The following SLC24A4 variants were observed in gnomAD, a reference collection of about 807,000 sequenced individuals.
The protein encoded by SLC24A4 is solute carrier family 24 member 4.
SLC24A4 carries 53 observed loss-of-function variants against 79.0 expected under a neutral mutation model. The ratio of observed to expected loss-of-function variants is 0.67; its 90% CI spans 0.54 to 0.84. The LOEUF (loss-of-function observed/expected upper bound fraction) is 0.84, where lower values mean the gene tolerates loss of function less well. Among genes scored for constraint, SLC24A4 ranks in the 40% least tolerant of loss-of-function variants. The pLI, the probability that SLC24A4 is intolerant of heterozygous loss-of-function variation, is 0.00. For missense variants in SLC24A4, 731 were observed against 822.0 expected (o/e 0.89, Z 1.35); for synonymous variants, 323 against 323.8 (o/e 1.00, Z 0.03).
At chr14:92,362,895 C>T in intron 2 of SLC24A4, among the ~76,000 whole-genome samples, 1 of 152,242 alleles carries the variant, frequency 6.6e-6, no homozygotes, top group Non-Finnish European at 1.5e-5. Flanking sequence ...TCAGCCAGTG[C>T]TGGATGCCTG....
chr14:92,343,624 CTTT>C (rs1886310718), intron 2 of SLC24A4, among the ~76,000 whole-genome samples: 4 of 148,238 alleles, frequency 2.7e-5, no homozygotes, highest in South Asian at 2.2e-4. Flanking sequence ...TTCTTTCTTT[CTTT>C]CTTTCTTTCT....
Position 92,493,489 on chromosome 14 carries a change from A to C in SLC24A4, c.1730A>C (p.His577Pro). Residue 577 changes from histidine to proline, a missense_variant, in exon 17 of 17, where the codon CAC (histidine) becomes CCC (proline). Transcript: ENST00000532405. ...CTGTCCTCCCAGGTCCTCGGCATCC[A>C]CCTAAACAAGTGGCGACTGGACCGG... ...GSVALTVLGI[H>P]LNKWRLDRKL... is the part of the protein sequence containing the mutation. The C allele has an allele frequency of 6.2e-7, 1 of 1,614,150 alleles. No homozygotes were observed. Among genetic ancestry groups the C allele is most frequent in the Non-Finnish European group, 8.5e-7 (1 of 1,180,024 alleles).
At chr14:92,476,203 G>A (rs1317075121) in intron 12 of SLC24A4, among the ~76,000 whole-genome samples, 2 of 152,146 alleles carry the variant, frequency 1.3e-5, no homozygotes, top group African/African-American at 2.4e-5. Flanking sequence ...CTCTACATAC[G>A]GAGTTTTCTG....
chr14:92,384,393 T>G (rs1889029887), intron 2 of SLC24A4, among the ~76,000 whole-genome samples: 1 of 151,920 alleles, frequency 6.6e-6, no homozygotes, highest in Non-Finnish European at 1.5e-5. Context: ...TTTTCAGGGA[T>G]GTTTAATGGA....
intron 4 of SLC24A4, among the ~76,000 whole-genome samples, chr14:92,439,631 C>A (rs1892381254): frequency 6.6e-6 from 1 of 152,232 alleles, no homozygotes. Flanking sequence ...AAAAACACTC[C>A]CAGTGTGAGA....
chr14:92,435,495 T>C (rs1260589431), intron 3 of SLC24A4, among the ~76,000 whole-genome samples: 1 of 152,218 alleles, frequency 6.6e-6, no homozygotes, highest in Non-Finnish European at 1.5e-5. Context: ...TTGCTGACTC[T>C]ATTGTGTGGT....
In SLC24A4 at chr14:92,385,427, T is replaced by C. The variant is rs1595197771; in HGVS notation, c.242-48485T>C. ...CAGGAGAATCGCTTGAACCAGGGAG[T>C]TGGAGGTTGCAATGAGCCTAGACTG... On this transcript the variant is annotated intron_variant, in intron 2 of 16. Coordinates refer to ENST00000532405, the MANE Select transcript of SLC24A4 (RefSeq NM_153646.4). 5.3e-5 allele frequency among the ~76,000 whole-genome samples: 8 copies of C among 151,140 alleles called. No homozygotes were observed. In the South Asian group the frequency reaches 1.5e-3, roughly 28 times the overall value.
chr14:92,468,562 T>C (rs545630221), intron 12 of SLC24A4, among the ~76,000 whole-genome samples: 46 of 152,298 alleles, frequency 3.0e-4, no homozygotes, highest in African/African-American at 1.0e-3. Flanking sequence ...GATAGACATA[T>C]AGATTAATGA....
In SLC24A4 at chr14:92,374,086, C is replaced by T. The variant is rs963590015; in HGVS notation, c.241+48108C>T. The stretch of plus-strand genomic sequence containing the variant: ...CACCCGTTTACCTTGGCAAGGGAGG[C>T]CCCAGCCAAAATGCAGAGAACCCCA... On this transcript the variant is annotated intron_variant, in intron 2 of 16. Coordinates refer to ENST00000532405, the MANE Select transcript of SLC24A4 (RefSeq NM_153646.4). Among the ~76,000 whole-genome samples the T allele has an allele frequency of 2.0e-5, 3 of 152,228 alleles. 1 individual carries two copies. Among genetic ancestry groups the T allele is most frequent in the Admixed American group, 2.0e-4 (3 of 15,276 alleles).
At chr14:92,344,621 C>G (rs754934147) in intron 2 of SLC24A4, among the ~76,000 whole-genome samples, 6 of 152,048 alleles carry the variant, frequency 3.9e-5, no homozygotes, top group South Asian at 2.1e-4. Flanking sequence ...GAGAATGGAA[C>G]TAGTCCTGGG....
intron 9 of SLC24A4, 30 bp from the exon 10 acceptor site, chr14:92,449,044 C>A: frequency 6.2e-7 from 1 of 1,612,182 alleles, no homozygotes; most frequent in Non-Finnish European, 8.5e-7. Flanking sequence ...CTTTCCATTG[C>A]CCTGACCTCC....
intron 2 of SLC24A4, among the ~76,000 whole-genome samples, chr14:92,417,538 A>G (rs1010597747): frequency 8.2e-6 from 1 of 121,956 alleles, no homozygotes; most frequent in Non-Finnish European, 1.8e-5. Flanking sequence ...AGTGTAGCCT[A>G]AGTGTCCAGT....
intron 2 of SLC24A4, among the ~76,000 whole-genome samples, chr14:92,401,285 C>T (rs1341810410): frequency 6.6e-6 from 1 of 152,170 alleles, no homozygotes; most frequent in Non-Finnish European, 1.5e-5. Context: ...AAAAACCGTG[C>T]AGGTTGTGCA....
chr14:92,332,407 G>T (rs886931451), intron 2 of SLC24A4, among the ~76,000 whole-genome samples: 7 of 152,176 alleles, frequency 4.6e-5, no homozygotes, highest in African/African-American at 1.7e-4. Context: ...ATGCAGGCCA[G>T]GCACAGTGAC....
At chr14:92,326,937 T>C (rs564144783) in intron 2 of SLC24A4, among the ~76,000 whole-genome samples, 30 of 152,238 alleles carry the variant, frequency 2.0e-4, no homozygotes, top group African/African-American at 7.0e-4. Context: ...GGACTGGGTA[T>C]AAAAGGAGAC....
chr14:92,416,520 G>C (rs558502649), intron 2 of SLC24A4, among the ~76,000 whole-genome samples: 20 of 152,146 alleles, frequency 1.3e-4, no homozygotes, highest in Non-Finnish European at 1.9e-4. Flanking sequence ...ATTCTTTACT[G>C]TCTCATTCAT....
chr14:92,368,585 A>G (rs1028700827), intron 2 of SLC24A4, among the ~76,000 whole-genome samples: 1 of 152,198 alleles, frequency 6.6e-6, no homozygotes, highest in Admixed American at 6.5e-5. Context: ...AGGAACAGTG[A>G]AAGGATTTTT....
At chr14:92,359,892 A>G (rs1435180287) in intron 2 of SLC24A4, among the ~76,000 whole-genome samples, 1 of 152,230 alleles carries the variant, frequency 6.6e-6, no homozygotes, top group African/African-American at 2.4e-5. Flanking sequence ...AAATGGAGTT[A>G]TAGTAACACA....
chr14:92,464,702 G>A (rs1456472679), intron 12 of SLC24A4, among the ~76,000 whole-genome samples: 2 of 152,182 alleles, frequency 1.3e-5, no homozygotes, highest in East Asian at 3.8e-4. Context: ...AGATGTCACC[G>A]TTAGCTTTCC....
Sources: allele counts gnomAD v4.1 joint callset (sites outside exome capture counted in the v4.1 genomes callset), GRCh38; gene constraint gnomAD v4.1.1; transcripts MANE v1.5; gene names NCBI Gene and HGNC (gene_info 2026-07-23, HGNC 2026-07-21).